The following UBL5 variants were observed in gnomAD, a reference collection of about 807,000 sequenced individuals.
The protein encoded by UBL5 is ubiquitin-like protein 5.
UBL5 carries 13 observed loss-of-function variants against 11.7 expected under a neutral mutation model. The observed-to-expected ratio is 1.11, with a 90% CI of 0.73 to 1.77. The LOEUF (loss-of-function observed/expected upper bound fraction) is 1.77. Ranked by LOEUF, UBL5 falls within the 40% of genes most tolerant of loss-of-function variation. The pLI is 0.00. For synonymous variants in UBL5, 28 were observed against 34.7 expected, an observed-to-expected ratio of 0.81 and a Z score of 0.68; for missense variants, 58 against 92.3, an observed-to-expected ratio of 0.63 and a Z score of 1.52.
chr19:9,829,496 CTTTTT>C, intron 4 of UBL5: 1 of 124,310 alleles, frequency 8.0e-6, no homozygotes, highest in Non-Finnish European at 1.7e-5. Flanking sequence ...GGAACAGAAA[CTTTTT>C]TTTTTTTTTT....
chr19:9,828,268 C>T lies in UBL5; in HGVS notation c.-11-59C>T, dbSNP rs566395315. 3.6e-4 allele frequency: 554 copies of T among 1,534,504 alleles called. 4 individuals carry two copies. Among genetic ancestry groups the T allele is most frequent in the South Asian group, 3.6e-3 (322 of 89,392 alleles). On this transcript the variant is annotated intron_variant, in intron 1 of 4. Transcript: ENST00000586895. ...GACTTGTAGGCTGGGGCTTCTGGGC[C>T]TGGGAGACGCCTGAAGCTCTGACTT...
intron 4 of UBL5, 161 bp from the exon 5 acceptor site, chr19:9,829,804 C>A (rs1175090325): frequency 4.2e-6 from 3 of 720,674 alleles, no homozygotes; most frequent in Non-Finnish European, 7.0e-6. Flanking sequence ...GCCAGAAATT[C>A]TTTTGTAAAG....
Position 9,828,869 on chromosome 19 carries a change from G to C in UBL5, c.173G>C (p.Gly58Ala). 1 of 1,614,186 alleles carries C rather than the reference G, an allele frequency of 6.2e-7. No individual in the cohort carries two copies. Among genetic ancestry groups the C allele is most frequent in the Non-Finnish European group, 8.5e-7 (1 of 1,180,036 alleles). Residue 58 changes from glycine (G) to alanine (A), a missense_variant, in exon 4 of 5, where the codon GGG (glycine) becomes GCG (alanine). Coordinates refer to ENST00000586895, the MANE Select transcript of UBL5 (RefSeq NM_001048241.3). ...YTIFKDHVSLGDYEIHDGMNL... is the reference protein window; with the variant it reads ...YTIFKDHVSLADYEIHDGMNL... ...ATTTTTAAGGACCACGTGTCTCTGG[G>C]GGACTGTATCCTTTGTGTGACTTTT... is the stretch of plus-strand genomic sequence containing the variant.
At chr19:9,828,557 A>G (rs750813994) in intron 2 of UBL5, 35 bp from the exon 3 acceptor site, 7 of 1,613,526 alleles carry the variant, frequency 4.3e-6, no homozygotes, top group Non-Finnish European at 5.9e-6. Context: ...TCCTCGTTCT[A>G]CCGCTTCCAT....
chr19:9,827,968 G>A lies in UBL5; in HGVS notation c.-28G>A, dbSNP rs2046032992. 2.8e-6 allele frequency: 1 copy of A among 353,004 alleles called. No individual in the cohort carries two copies. Among genetic ancestry groups the A allele is most frequent in the African/African-American group, 2.1e-5 (1 of 47,408 alleles). The allele number at this position is 353,004 out of a possible 1,614,324, so 21.9% of individuals were successfully genotyped here. On this transcript the variant is annotated 5_prime_UTR_variant, in exon 1 of 5. Transcript: ENST00000586895. ...GGTGAGGAGCTGGTGGCGTCGGCAG[G>A]TTCGAGGCGATTCGAGGTGAGGGGG...
chr19:9,828,227 G>C, intron 1 of UBL5, 100 bp from the exon 2 acceptor site: 3 of 1,155,196 alleles, frequency 2.6e-6, no homozygotes, highest in Admixed American at 1.8e-5. Flanking sequence ...TGGAATTTTA[G>C]GGCCTGGGAC....
At chr19:9,828,055 T>G in intron 1 of UBL5, 71 bp downstream of exon 1, 5 of 538,260 alleles carry the variant, frequency 9.3e-6, no homozygotes, top group Non-Finnish European at 1.7e-5. Flanking sequence ...GGGTCTGGGG[T>G]CGGTGGGAGG....
rs746336190 is a variant in UBL5 at position 9,830,033 on chromosome 19, C to T, written c.*25C>T. The T allele has an allele frequency of 2.7e-5, 43 of 1,613,516 alleles. No homozygotes were observed. Among genetic ancestry groups the T allele is most frequent in the Admixed American group, 2.5e-4 (15 of 59,968 alleles). On this transcript the variant is annotated 3_prime_UTR_variant, in exon 5 of 5. Coordinates refer to ENST00000586895, the MANE Select transcript of UBL5 (RefSeq NM_001048241.3). ...GATGAGAATCCTCATCTTCCTGCCC[C>T]GCTTTCCTCTCCCATCCTCATCCCC...
In UBL5 at chr19:9,827,972, G is replaced by C. The variant is rs1172744883; in HGVS notation, c.-24G>C. 1.7e-5 allele frequency: 6 copies of C among 353,610 alleles called. No homozygotes were observed. The highest frequency in any genetic ancestry group is 2.1e-5 in the Non-Finnish European group (4 of 188,986). 21.9% of individuals were successfully genotyped at this position (353,610 alleles called of 1,614,324 possible). ...AGGAGCTGGTGGCGTCGGCAGGTTC[G>C]AGGCGATTCGAGGTGAGGGGGTCAA... On this transcript the variant is annotated 5_prime_UTR_variant, in exon 1 of 5. Coordinates refer to ENST00000586895, the MANE Select transcript of UBL5 (RefSeq NM_001048241.3).
chr19:9,829,838 T>C, intron 4 of UBL5, 127 bp from the exon 5 acceptor site: 1 of 1,010,386 alleles, frequency 9.9e-7, no homozygotes, highest in Non-Finnish European at 1.5e-6. Flanking sequence ...CAAATAAAAA[T>C]GGCCTGGTCC....
At chr19:9,828,460 T>A in intron 2 of UBL5, 67 bp downstream of exon 2, 6 of 1,606,920 alleles carry the variant, frequency 3.7e-6, no homozygotes, top group Non-Finnish European at 5.1e-6. Flanking sequence ...GGCAACTCAA[T>A]CTGTGTTGTC....
chr19:9,828,305 AC>A, intron 1 of UBL5, 21 bp from the exon 2 acceptor site: 2 of 1,287,738 alleles, frequency 1.6e-6, no homozygotes, highest in Non-Finnish European at 2.3e-6. Flanking sequence ...GCTGCCTCCC[AC>A]CCACCCCCCG....
chr19:9,829,496 C>CTT (rs1357729921), intron 4 of UBL5: 58 of 124,726 alleles, frequency 4.7e-4, no homozygotes, highest in Non-Finnish European at 8.0e-4. Flanking sequence ...GGAACAGAAA[C>CTT]TTTTTTTTTT....
chr19:9,829,811 A>G (rs2046045810), intron 4 of UBL5, 154 bp from the exon 5 acceptor site: 1 of 757,862 alleles, frequency 1.3e-6, no homozygotes, highest in African/African-American at 1.7e-5. Flanking sequence ...ATTCTTTTGT[A>G]AAGTTTTGGT....
rs1322950390 is a variant in UBL5, at chr19:9,829,697, G to C, written c.179-268G>C. ...TTTTTAGTAGAGACAGGGTTTCATC[G>C]TGTTGGCCAGGCTGGTCTCAAACTC... On this transcript the variant is annotated intron_variant, in intron 4 of 4. Transcript: ENST00000586895. The C allele has an allele frequency of 1.2e-5, 5 of 411,644 alleles. 1 individual carries two copies. Among genetic ancestry groups the C allele is most frequent in the South Asian group, 9.7e-5 (3 of 30,860 alleles). The allele number at this position is 411,644 out of a possible 1,614,324, so 25.5% of individuals were successfully genotyped here.
At chr19:9,828,126 C>G (rs1196012889) in intron 1 of UBL5, 142 bp downstream of exon 1, 2 of 603,034 alleles carry the variant, frequency 3.3e-6, no homozygotes, top group Admixed American at 3.0e-5. Context: ...AGGCGCGGCT[C>G]CCCGGGGTTC....
chr19:9,828,555 C>A (rs1192006111), intron 2 of UBL5, 37 bp from the exon 3 acceptor site: 2 of 1,613,702 alleles, frequency 1.2e-6, no homozygotes, highest in Non-Finnish European at 1.7e-6. Context: ...CTTCCTCGTT[C>A]TACCGCTTCC....
At chr19:9,828,971 T>C in intron 4 of UBL5, 97 bp downstream of exon 4, 1 of 1,173,916 alleles carries the variant, frequency 8.5e-7, no homozygotes, top group Non-Finnish European at 1.3e-6. Flanking sequence ...ATATTAAGTG[T>C]TTAACTTAAT....
At chr19:9,828,303 C>G in intron 1 of UBL5, 24 bp from the exon 2 acceptor site, 2 of 1,571,414 alleles carry the variant, frequency 1.3e-6, no homozygotes, top group Non-Finnish European at 1.8e-6. Flanking sequence ...TTGCTGCCTC[C>G]CACCCACCCC....
Sources: allele counts gnomAD v4.1 joint callset, GRCh38; gene constraint gnomAD v4.1.1; transcripts MANE v1.5; gene names NCBI Gene and HGNC (gene_info 2026-07-23, HGNC 2026-07-21).